Variants in NOL4L observed in about 807,000 individuals in gnomAD.
NOL4L encodes the protein nucleolar protein 4 like, also known as nucleolar protein 4-like.
NOL4L carries 7 observed loss-of-function variants against 64.5 expected under a neutral mutation model. The observed-to-expected ratio is 0.11, with a 90% CI of 0.06 to 0.20. NOL4L has a LOEUF of 0.20. Among genes scored for constraint, NOL4L ranks in the 10% least tolerant of loss-of-function variants. The pLI, the probability that NOL4L is intolerant of heterozygous loss-of-function variation, is 1.00. For synonymous variants in NOL4L, 413 were observed against 401.0 expected (o/e 1.03, Z -0.36); for missense variants, 680 against 967.1 (o/e 0.70, Z 3.94).
At chr20:32,512,588 C>CA (rs1205683458) in intron 3 of NOL4L, among the ~76,000 whole-genome samples, 1 of 152,184 alleles carries the variant, frequency 6.6e-6, no homozygotes, top group East Asian at 1.9e-4. Context: ...ACCATAATTG[C>CA]ACCACGCAGC....
intron 4 of NOL4L, among the ~76,000 whole-genome samples, chr20:32,492,513 T>C (rs1354433173): frequency 6.6e-6 from 1 of 152,188 alleles, no homozygotes; most frequent in African/African-American, 2.4e-5. Context: ...GGTCAGTTTG[T>C]GAACTTGGCT....
At chr20:32,564,779 G>A (rs1286345620) in intron 1 of NOL4L, among the ~76,000 whole-genome samples, 2 of 152,244 alleles carry the variant, frequency 1.3e-5, no homozygotes, top group Non-Finnish European at 2.9e-5. Flanking sequence ...CTCCTTCGAG[G>A]GGTCCAGCAG....
chr20:32,468,832 G>A (rs2014767204), intron 5 of NOL4L, among the ~76,000 whole-genome samples: 1 of 150,572 alleles, frequency 6.6e-6, no homozygotes. Flanking sequence ...CTGGAAGGCG[G>A]AGGTTGCAGT....
chr20:32,515,295 T>A (rs2017601770), intron 3 of NOL4L, among the ~76,000 whole-genome samples: 1 of 151,974 alleles, frequency 6.6e-6, no homozygotes, highest in African/African-American at 2.4e-5. Context: ...CCTAAACCCA[T>A]CGGAGAACAC....
chr20:32,536,329 G>T (rs898508101), intron 1 of NOL4L: 2 of 985,078 alleles, frequency 2.0e-6, no homozygotes, highest in African/African-American at 1.7e-5. Flanking sequence ...CCCTGGGCGC[G>T]CTAACGAGCG....
Position 32,464,590 on chromosome 20 carries a change from G to A in NOL4L, c.842-8195C>T, listed in dbSNP as rs532661078. Reference sequence around the variant, plus strand: ...CCCCCACAGCATGCGCCTCCTCTGCGTGTGCCCCTCAGTGCCCGGGCAGTG... The same window carrying A: ...CCCCCACAGCATGCGCCTCCTCTGCATGTGCCCCTCAGTGCCCGGGCAGTG... On this transcript the variant is annotated intron_variant, in intron 5 of 10. Coordinates refer to ENST00000621426, the MANE Select transcript of NOL4L (RefSeq NM_001256798.2). The surrounding 1 kb of genome is among the most constrained non-coding windows in gnomAD (Gnocchi z 5.6). Among the ~76,000 whole-genome samples, 13 of 152,292 alleles carry A rather than the reference G, an allele frequency of 8.5e-5. No individual in the cohort carries two copies. The South Asian group carries it at 2.5e-3, about 29-fold the overall frequency.
chr20:32,488,747 T>C (rs8124841), intron 4 of NOL4L, among the ~76,000 whole-genome samples: 3,094 of 106,842 alleles, frequency 0.029, 154 homozygotes, highest in East Asian at 0.14. Flanking sequence ...CTTTCTTTCT[T>C]TTCCTTCCTT....
chr20:32,475,309 C>A (rs1007047084), intron 4 of NOL4L: 61 of 985,472 alleles, frequency 6.2e-5, no homozygotes, highest in Non-Finnish European at 6.9e-5. Context: ...TTCAAAGATA[C>A]GCTCTTGGGC....
At chr20:32,553,374 C>T (rs1978430677) in intron 1 of NOL4L, among the ~76,000 whole-genome samples, 1 of 152,206 alleles carries the variant, frequency 6.6e-6, no homozygotes, top group Non-Finnish European at 1.5e-5. Context: ...CCTGGCGCTA[C>T]TCACCAGGCA....
chr20:32,516,683 G>T (rs1388387078), intron 3 of NOL4L, among the ~76,000 whole-genome samples: 2 of 152,194 alleles, frequency 1.3e-5, no homozygotes, highest in African/African-American at 4.8e-5. Context: ...ACACAGAGAA[G>T]CTATGCAACC....
rs555800118 is a variant in NOL4L, at chr20:32,574,752, A to G, written c.321+9818T>C. Among the ~76,000 whole-genome samples, 5 of 152,088 alleles carry G rather than the reference A, an allele frequency of 3.3e-5. No individual in the cohort carries two copies. In the South Asian group the frequency reaches 1.0e-3, roughly 32 times the overall value. ...CCAAGCTGGAGAGGGGGCCCGGGTA[A>G]CACGATGACTCCCGCGCTGGCCCCG... On this transcript the variant is annotated intron_variant, in intron 1 of 10. Coordinates refer to ENST00000621426, the MANE Select transcript of NOL4L (RefSeq NM_001256798.2).
intron 1 of NOL4L, among the ~76,000 whole-genome samples, chr20:32,539,766 G>T (rs1031584127): frequency 6.6e-6 from 1 of 152,178 alleles, no homozygotes; most frequent in African/African-American, 2.4e-5. Flanking sequence ...ATGAGAGGTG[G>T]ACAATGAGCT....
intron 1 of NOL4L, 61 bp downstream of exon 1, chr20:32,584,509 C>A (rs1980766349): frequency 9.5e-7 from 1 of 1,054,732 alleles, no homozygotes; most frequent in South Asian, 2.9e-5. Context: ...CACCCCGCCC[C>A]CGCCCGCCTG....
chr20:32,474,490 C>G (rs2015249443), intron 5 of NOL4L, 111 bp downstream of exon 5: 1 of 1,351,234 alleles, frequency 7.4e-7, no homozygotes, highest in Admixed American at 2.8e-5. Flanking sequence ...ACCCAAAGGC[C>G]TTGGCCCAGA....
chr20:32,460,944 C>T lies in NOL4L; in HGVS notation c.842-4549G>A, dbSNP rs1328601526. Among the ~76,000 whole-genome samples, 2 of 152,230 alleles carry T rather than the reference C, an allele frequency of 1.3e-5. No homozygotes were observed. The highest frequency in any genetic ancestry group is 2.9e-5 in the Non-Finnish European group (2 of 68,040). ...ACTCCTGCTCGCCCTTCTGTGCTAACCCGAGCACCACCACCTCAGGGAAGC... is the reference window on the plus strand; with the variant it reads ...ACTCCTGCTCGCCCTTCTGTGCTAATCCGAGCACCACCACCTCAGGGAAGC... On this transcript the variant is annotated intron_variant, in intron 5 of 10. Coordinates refer to ENST00000621426, the MANE Select transcript of NOL4L (RefSeq NM_001256798.2). This position sits in a 1 kb window ranked among gnomAD's most constrained non-coding sequence, Gnocchi z 5.7.
In NOL4L at chr20:32,446,972, AAGGGCTAGCGGCCAC is replaced by A; in HGVS notation, c.*609_*623del. ...GGATCTGCAACAGGATGGCCTGGCC[AAGGGCTAGCGGCCAC>A]AGGGTGCACCAGGCATGCAGAGGAA... On this transcript the variant is annotated 3_prime_UTR_variant, in exon 11 of 11. Coordinates refer to ENST00000621426, the MANE Select transcript of NOL4L (RefSeq NM_001256798.2). 1 of 302,540 alleles carries A rather than the reference AAGGGCTAGCGGCCAC, an allele frequency of 3.3e-6. No homozygotes were observed. The highest frequency in any genetic ancestry group is 6.4e-6 in the Non-Finnish European group (1 of 156,322). The allele number at this position is 302,540 out of a possible 1,614,324, so 18.7% of individuals were successfully genotyped here.
chr20:32,514,152 C>A (rs1172900773), intron 3 of NOL4L, among the ~76,000 whole-genome samples: 1 of 152,184 alleles, frequency 6.6e-6, no homozygotes, highest in African/African-American at 2.4e-5. Flanking sequence ...CTCTTTAAAG[C>A]TACCCTGTCA....
At chr20:32,474,109 C>T (rs2015220581) in intron 5 of NOL4L, among the ~76,000 whole-genome samples, 1 of 152,268 alleles carries the variant, frequency 6.6e-6, no homozygotes, top group African/African-American at 2.4e-5. Flanking sequence ...GACAGCTCCC[C>T]AGCCAGCCGC....
intron 5 of NOL4L, among the ~76,000 whole-genome samples, chr20:32,473,713 C>G (rs2015188264): frequency 6.6e-6 from 1 of 152,186 alleles, no homozygotes; most frequent in African/African-American, 2.4e-5. Flanking sequence ...TCACATTACA[C>G]CCCTTTTTAA....
Sources: gnomAD v4.1 joint callset for allele counts (sites outside exome capture counted in the v4.1 genomes callset) on GRCh38, gnomAD v4.1.1 for gene constraint, Gnocchi (gnomAD v3.1) non-coding constraint, MANE v1.5 for transcripts, NCBI Gene and HGNC (gene_info 2026-07-23, HGNC 2026-07-21) for gene names.